Variants in PTPRS observed in about 807,000 individuals in gnomAD.
PTPRS encodes the protein receptor-type tyrosine-protein phosphatase S.
PTPRS carries 63 observed loss-of-function variants against 215.3 expected under a neutral mutation model. That is an observed-to-expected ratio of 0.29 (90% confidence interval 0.24 to 0.36). PTPRS has a LOEUF of 0.36. Ranked by LOEUF, PTPRS falls within the 10% of genes least tolerant of loss-of-function variation. The probability of loss-of-function intolerance (pLI) is 1.00; values close to 1 mark genes in which losing one functional copy is unlikely to be tolerated. For synonymous variants in PTPRS, 1,404 were observed against 1,191.4 expected, an observed-to-expected ratio of 1.18 and a Z score of -3.68; for missense variants, 2,258 against 2,825.8, an observed-to-expected ratio of 0.80 and a Z score of 4.56.
At chr19:5,267,482 C>A (rs1425225754) in intron 4 of PTPRS, among the ~76,000 whole-genome samples, 1 of 151,906 alleles carries the variant, frequency 6.6e-6, no homozygotes. Flanking sequence ...CATGGTGAAA[C>A]CCCGTCTCTA....
At chr19:5,276,081 G>A (rs1290577550) in intron 2 of PTPRS, among the ~76,000 whole-genome samples, 1 of 152,226 alleles carries the variant, frequency 6.6e-6, no homozygotes, top group Non-Finnish European at 1.5e-5. Context: ...TGCTTTGGCT[G>A]GACATGCACA....
intron 5 of PTPRS, 32 bp from the exon 6 acceptor site, chr19:5,263,004 A>T: frequency 6.6e-7 from 1 of 1,526,630 alleles, no homozygotes; most frequent in South Asian, 1.2e-5. Context: ...ATAAGAAAAG[A>T]GAACAGGAAC....
chr19:5,334,479 G>A (rs765220693), intron 1 of PTPRS, among the ~76,000 whole-genome samples: 4 of 152,202 alleles, frequency 2.6e-5, no homozygotes, highest in East Asian at 1.9e-4. Flanking sequence ...TGAGGAAGAC[G>A]GAAGCACAGA....
chr19:5,214,859 G>A (rs879388884), intron 28 of PTPRS, 123 bp from the exon 29 acceptor site: 24 of 1,024,978 alleles, frequency 2.3e-5, no homozygotes, highest in Non-Finnish European at 3.1e-5. Flanking sequence ...GGTGACCATG[G>A]GACGTGTACT....
chr19:5,302,022 C>T (rs146728114), intron 1 of PTPRS, among the ~76,000 whole-genome samples: 12 of 152,210 alleles, frequency 7.9e-5, no homozygotes, highest in African/African-American at 2.9e-4. Context: ...CTCAAATGAT[C>T]CGCCTTGCCT....
intron 1 of PTPRS, among the ~76,000 whole-genome samples, chr19:5,323,966 A>G (rs1436710024): frequency 6.6e-6 from 1 of 152,186 alleles, no homozygotes; most frequent in Non-Finnish European, 1.5e-5. Flanking sequence ...GCAGTGGCTC[A>G]TGCCTGTAAT....
intron 1 of PTPRS, among the ~76,000 whole-genome samples, chr19:5,308,585 G>T (rs1315732397): frequency 6.6e-6 from 1 of 152,180 alleles, no homozygotes; most frequent in Admixed American, 6.5e-5. Context: ...CGCAGTCACA[G>T]GGGCAGACTC....
chr19:5,223,327 CCCAGCGCCATCCG>C, intron 17 of PTPRS, 30 bp from the exon 18 acceptor site: 1 of 1,432,308 alleles, frequency 7.0e-7, no homozygotes. Flanking sequence ...GTGTCAGGGT[CCCAGCGCCATCCG>C]CCAGCCCAGA....
Position 5,240,338 on chromosome 19 carries a change from G to A in PTPRS, c.1571-6C>T, listed in dbSNP as rs763894197. The A allele has an allele frequency of 4.6e-5, 72 of 1,582,412 alleles. No individual in the cohort carries two copies. The Middle Eastern group carries it at 7.2e-4, about 16-fold the overall frequency. ...GTTCATGGGCTGGCCCGGCACTGTG[G>A]GGGTGCAGGGAGACAACTAGGAGTC... On this transcript the variant is annotated splice_polypyrimidine_tract_variant and splice_region_variant and intron_variant, in intron 11 of 37. Transcript: ENST00000262963.
chr19:5,317,763 G>T (rs1672189169), intron 1 of PTPRS, among the ~76,000 whole-genome samples: 1 of 152,178 alleles, frequency 6.6e-6, no homozygotes, highest in African/African-American at 2.4e-5. Context: ...TAAGGGGCCA[G>T]GTGCAGTGGT....
chr19:5,279,378 A>AT (rs538359376), intron 2 of PTPRS, among the ~76,000 whole-genome samples: 164 of 149,014 alleles, frequency 1.1e-3, no homozygotes, highest in Middle Eastern at 3.4e-3. Context: ...TCTTCTTCTT[A>AT]TTTTTTTTTA....
chr19:5,210,239 G>A lies in PTPRS; in HGVS notation c.5487+230C>T, dbSNP rs1599349581. Among the ~76,000 whole-genome samples, 1 of 152,196 alleles carries A rather than the reference G, an allele frequency of 6.6e-6. No homozygotes were observed. Among genetic ancestry groups the A allele is most frequent in the South Asian group, 2.1e-4 (1 of 4,832 alleles). On this transcript the variant is annotated intron_variant, in intron 35 of 37. Transcript: ENST00000262963. The surrounding 1 kb of genome is among the most constrained non-coding windows in gnomAD (Gnocchi z 4.5). ...TTCACTTCCTTGAATATCATCCCCT[G>A]GGGCCATGTTCCCTAGTGAGTGGAG... is the stretch of plus-strand genomic sequence containing the variant.
intron 1 of PTPRS, among the ~76,000 whole-genome samples, chr19:5,298,659 G>A (rs72985108): frequency 0.063 from 9,665 of 152,250 alleles, 361 homozygotes; most frequent in African/African-American, 0.099. Context: ...CAGCCCTGGC[G>A]CCGGGTCTAC....
chr19:5,244,280 C>G lies in PTPRS; in HGVS notation c.1191G>C (p.Glu397Asp). ...YSIGGLSPNS[E>D]YEIWVSAVNS... is the part of the protein sequence containing the mutation. ...TGACGGCCGACACCCAGATCTCGTACTCCGAGTTGGGGCTCAGGCCGCCGA... is the reference window on the plus strand; with the variant it reads ...TGACGGCCGACACCCAGATCTCGTAGTCCGAGTTGGGGCTCAGGCCGCCGA... The change falls in exon 11 of 38, where the codon GAG becomes GAC. Residue 397 changes from glutamate (E) to aspartate (D), a missense_variant. Transcript: ENST00000262963. The surrounding 1 kb of genome is among the most constrained non-coding windows in gnomAD (Gnocchi z 7.2). 1 of 1,614,230 alleles carries G rather than the reference C, an allele frequency of 6.2e-7. No individual in the cohort carries two copies. The highest frequency in any genetic ancestry group is 2.2e-5 in the East Asian group (1 of 44,884).
rs2048147818 is a variant in PTPRS, at chr19:5,284,376, A to AAAT, written c.91+1673_91+1674insATT. 8.8e-3 allele frequency among the ~76,000 whole-genome samples: 1,058 copies of AAAT among 119,580 alleles called. 7 individuals are homozygous for AAAT. Among genetic ancestry groups the AAAT allele is most frequent in the African/African-American group, 0.022 (803 of 37,068 alleles). 78.4% of individuals were successfully genotyped at this position (119,580 alleles called of 152,430 possible). A position where few individuals can be genotyped will look rare whatever the true frequency, so the allele number is the denominator to read the frequency against. ...CTCTGTCACAAAAAATTAATTAATTAAAATAAATAAATAAATAAATAAATA... is the reference window on the plus strand; with the variant it reads ...CTCTGTCACAAAAAATTAATTAATTAAATAAATAAATAAATAAATAAATAAATA... On this transcript the variant is annotated intron_variant, in intron 2 of 37. Transcript: ENST00000262963.
chr19:5,216,686 C>T (rs199618946), intron 26 of PTPRS, 34 bp downstream of exon 26: 93 of 1,500,040 alleles, frequency 6.2e-5, no homozygotes, highest in Non-Finnish European at 7.4e-5. Context: ...GGGGCGGGGG[C>T]GAAAGGAAGC....
At chr19:5,251,076 C>CG (rs942834925) in intron 9 of PTPRS, 5 of 129,662 alleles carry the variant, frequency 3.9e-5, no homozygotes, top group Middle Eastern at 7.7e-4. Context: ...GTGCAGCCTC[C>CG]GGGGGGTTTA....
chr19:5,326,680 T>C (rs1444582846), intron 1 of PTPRS, among the ~76,000 whole-genome samples: 1 of 140,528 alleles, frequency 7.1e-6, no homozygotes, highest in Non-Finnish European at 1.5e-5. Context: ...AGTGAGATGC[T>C]GTCAAAAGAA....
chr19:5,234,495 A>G (rs2043271223), intron 13 of PTPRS, among the ~76,000 whole-genome samples: 1 of 152,216 alleles, frequency 6.6e-6, no homozygotes, highest in African/African-American at 2.4e-5. Flanking sequence ...ACCACACTAC[A>G]TCTACTACTA....
Sources: allele counts gnomAD v4.1 joint callset (sites outside exome capture counted in the v4.1 genomes callset), GRCh38; gene constraint gnomAD v4.1.1; non-coding constraint Gnocchi (gnomAD v3.1); transcripts MANE v1.5; gene names NCBI Gene and HGNC (gene_info 2026-07-23, HGNC 2026-07-21).